Variants in PTPN4 observed in about 807,000 individuals in gnomAD.
PTPN4 encodes protein tyrosine phosphatase non-receptor type 4, also known as tyrosine-protein phosphatase non-receptor type 4.
Under a neutral mutation model 135.5 loss-of-function variants are expected in PTPN4, and 49 were observed. The observed-to-expected ratio is 0.36, with a 90% CI of 0.29 to 0.46. The LOEUF (loss-of-function observed/expected upper bound fraction) is 0.46, where lower values mean the gene tolerates loss of function less well. PTPN4 is among the 20% of genes least tolerant of loss of function. The pLI, the probability that PTPN4 is intolerant of heterozygous loss-of-function variation, is 1.00. For synonymous variants in PTPN4, 333 were observed against 369.9 expected, an observed-to-expected ratio of 0.90 and a Z score of 1.14; for missense variants, 860 against 1,101.0, an observed-to-expected ratio of 0.78 and a Z score of 3.10.
intron 1 of PTPN4, among the ~76,000 whole-genome samples, chr2:119,771,148 G>A (rs1489057815): frequency 6.6e-6 from 1 of 152,172 alleles, no homozygotes; most frequent in Non-Finnish European, 1.5e-5. Flanking sequence ...AGACCAGAAG[G>A]CCATGTGGAT....
At chr2:119,781,502 A>G (rs1212898638) in intron 1 of PTPN4, among the ~76,000 whole-genome samples, 2 of 152,206 alleles carry the variant, frequency 1.3e-5, no homozygotes, top group Non-Finnish European at 2.9e-5. Context: ...TGTTGCATCA[A>G]GACCACTGTC....
chr2:119,885,265 G>C (rs1458972953), intron 8 of PTPN4, among the ~76,000 whole-genome samples: 1 of 152,106 alleles, frequency 6.6e-6, no homozygotes, highest in Admixed American at 6.5e-5. Context: ...GTCCTCATTT[G>C]TTTGTTTTTT....
chr2:119,934,887 A>G lies in PTPN4; in HGVS notation c.1284A>G (p.Pro428=). 1 of 1,613,416 alleles carries G rather than the reference A, an allele frequency of 6.2e-7. No individual in the cohort carries two copies. Among genetic ancestry groups the G allele is most frequent in the Non-Finnish European group, 8.5e-7 (1 of 1,179,340 alleles). ...HLVDHMVHTS[P]SEVFVNQRSP... is the part of the protein sequence containing the mutation. ...TAGACCATATGGTTCATACTTCCCC[A>G]AGCGAAGTGTTTGTAAATCAGAGAT... The change falls in exon 15 of 27, where the codon CCA becomes CCG. Residue 428 remains proline, a synonymous_variant. Transcript: ENST00000263708.
At position 119,945,142 on chromosome 2, in the gene PTPN4, A is replaced by G. The variant is rs2105047208; in HGVS notation, c.1417A>G (p.Asn473Asp). The change falls in exon 16 of 27, where the codon AAC becomes GAC. Residue 473 changes from asparagine to aspartate, a missense_variant. This residue lies in a region of PTPN4 where 684 missense variants were observed against 807.0 expected (regional missense o/e 0.85). Transcript: ENST00000263708. Reference protein sequence around the residue: ...PALPPKQSKKNSWNQIHYSHS... With the variant: ...PALPPKQSKKDSWNQIHYSHS... The stretch of plus-strand genomic sequence containing the variant: ...TTTACCACCCAAACAGTCAAAGAAA[A>G]ACAGTTGGAACCAAATTCATTATTC... The G allele has an allele frequency of 6.2e-7, 1 of 1,605,576 alleles. No homozygotes were observed. The highest frequency in any genetic ancestry group is 1.3e-5 in the African/African-American group (1 of 74,580).
intron 10 of PTPN4, among the ~76,000 whole-genome samples, chr2:119,909,678 T>C (rs1678539661): frequency 6.6e-6 from 1 of 152,168 alleles, no homozygotes; most frequent in African/African-American, 2.4e-5. Context: ...GAAAAGTAAG[T>C]TGAAAACCTT....
intron 2 of PTPN4, among the ~76,000 whole-genome samples, chr2:119,822,210 G>T (rs1270198153): frequency 6.6e-6 from 1 of 152,016 alleles, no homozygotes; most frequent in East Asian, 1.9e-4. Context: ...TTATCTTGCT[G>T]TTTCTCACAC....
At chr2:119,765,492 A>G (rs1048320172) in intron 1 of PTPN4, among the ~76,000 whole-genome samples, 17 of 152,214 alleles carry the variant, frequency 1.1e-4, no homozygotes, top group African/African-American at 4.1e-4. Context: ...AAAAAATGCT[A>G]ATTTTATAAT....
intron 19 of PTPN4, among the ~76,000 whole-genome samples, chr2:119,953,198 A>G (rs1276725933): frequency 3.9e-5 from 6 of 152,158 alleles, no homozygotes. Flanking sequence ...GTTCTATACA[A>G]TTTACTATTA....
In PTPN4 at chr2:119,983,412, C is replaced by T. The variant is rs931380854; in HGVS notation, c.*6342C>T. ...ATTCAAAGAAGCTTTTTAGTTTCTACTCCTGAATTGTAGTGTTCAAGTTAT... is the reference window on the plus strand; with the variant it reads ...ATTCAAAGAAGCTTTTTAGTTTCTATTCCTGAATTGTAGTGTTCAAGTTAT... On this transcript the variant is annotated 3_prime_UTR_variant, in exon 27 of 27. Transcript: ENST00000263708. The T allele has an allele frequency of 2.0e-5, 3 of 152,180 alleles. No individual in the cohort carries two copies. The highest frequency in any genetic ancestry group is 2.0e-4 in the Admixed American group (3 of 15,266). The allele number at this position is 152,180 out of a possible 1,614,324, so 9.4% of individuals were successfully genotyped here. A position where few individuals can be genotyped will look rare whatever the true frequency, so the allele number is the denominator to read the frequency against.
At chr2:119,973,655 G>GT (rs70949378) in intron 26 of PTPN4, among the ~76,000 whole-genome samples, 1,893 of 38,318 alleles carry the variant, frequency 0.049, 449 homozygotes, top group East Asian at 0.12. Flanking sequence ...TTCATTTCTT[G>GT]TTTTTTTTTT....
intron 24 of PTPN4, among the ~76,000 whole-genome samples, chr2:119,962,960 A>G (rs971716165): frequency 1.1e-4 from 17 of 152,294 alleles, no homozygotes; most frequent in African/African-American, 4.1e-4. Flanking sequence ...ATGACTAAAT[A>G]TGAATGGTCA....
chr2:119,925,876 A>G (rs2105032806), intron 12 of PTPN4, among the ~76,000 whole-genome samples: 1 of 152,326 alleles, frequency 6.6e-6, no homozygotes, highest in South Asian at 2.1e-4. Flanking sequence ...ACAGTGATGA[A>G]CTTTAATTTA....
chr2:119,771,818 TA>T (rs1400632376), intron 1 of PTPN4, among the ~76,000 whole-genome samples: 2 of 152,238 alleles, frequency 1.3e-5, no homozygotes, highest in Non-Finnish European at 2.9e-5. Context: ...TGTTAGTTGT[TA>T]TAAGTCCATT....
intron 19 of PTPN4, among the ~76,000 whole-genome samples, 186 bp from the exon 20 acceptor site, chr2:119,954,971 A>C (rs573519222): frequency 6.6e-6 from 1 of 152,274 alleles, no homozygotes; most frequent in Admixed American, 6.5e-5. Context: ...AAGGTACAGC[A>C]AAGCCCCTCA....
At chr2:119,857,353 A>G (rs1677696140) in intron 2 of PTPN4, among the ~76,000 whole-genome samples, 1 of 152,166 alleles carries the variant, frequency 6.6e-6, no homozygotes, top group South Asian at 2.1e-4. Context: ...CAACATGGTG[A>G]AACCCCGTCT....
At chr2:119,793,416 T>C (rs1691189032) in intron 1 of PTPN4, among the ~76,000 whole-genome samples, 1 of 152,216 alleles carries the variant, frequency 6.6e-6, no homozygotes, top group Non-Finnish European at 1.5e-5. Flanking sequence ...TTTTTCAATG[T>C]GCTGAGATTT....
At chr2:119,953,869 A>G (rs1443101211) in intron 19 of PTPN4, among the ~76,000 whole-genome samples, 1 of 152,154 alleles carries the variant, frequency 6.6e-6, no homozygotes, top group African/African-American at 2.4e-5. Flanking sequence ...TATGATGGCA[A>G]AGACCCAGCC....
chr2:119,943,583 T>TC (rs947068998), intron 15 of PTPN4, among the ~76,000 whole-genome samples: 48 of 125,784 alleles, frequency 3.8e-4, no homozygotes, highest in Admixed American at 1.8e-3. Context: ...TTTTTTTCTT[T>TC]TTTTTTTTTT....
chr2:119,850,954 G>A (rs759877769), intron 2 of PTPN4, among the ~76,000 whole-genome samples: 6 of 151,988 alleles, frequency 3.9e-5, no homozygotes, highest in Non-Finnish European at 7.4e-5. Context: ...ATTTTTTGAG[G>A]ATTTTTGCAT....
Sources: gnomAD v4.1 joint callset for allele counts (sites outside exome capture counted in the v4.1 genomes callset) on GRCh38, gnomAD v4.1.1 for gene constraint, gnomAD v4.1.1 regional missense constraint, MANE v1.5 for transcripts, NCBI Gene and HGNC (gene_info 2026-07-23, HGNC 2026-07-21) for gene names.